Variants in CCM2 observed in about 807,000 individuals in gnomAD.
The protein encoded by CCM2 is CCM2 scaffold protein.
A neutral mutation model predicts 44.9 loss-of-function variants in CCM2; 25 were observed. The ratio of observed to expected loss-of-function variants is 0.56; its 90% CI spans 0.41 to 0.78. The LOEUF (loss-of-function observed/expected upper bound fraction) is 0.78, where lower values mean the gene tolerates loss of function less well. Among genes scored for constraint, CCM2 ranks in the 30% least tolerant of loss-of-function variants. The pLI is 0.00. For synonymous variants in CCM2, 219 were observed against 241.1 expected (o/e 0.91, Z 0.85); for missense variants, 481 against 580.6 (o/e 0.83, Z 1.76).
intron 2 of CCM2, among the ~76,000 whole-genome samples, chr7:45,042,402 C>T (rs1797556591): frequency 1.3e-5 from 2 of 151,954 alleles, no homozygotes; most frequent in African/African-American, 4.8e-5. Flanking sequence ...TGGGTTGAAA[C>T]GTTTGGCAAA....
intron 1 of CCM2, among the ~76,000 whole-genome samples, chr7:45,026,027 C>T (rs140118998): frequency 7.2e-5 from 11 of 152,316 alleles, no homozygotes; most frequent in African/African-American, 2.6e-4. Flanking sequence ...GTGTTCAGAG[C>T]ATGTGGGTTT....
chr7:45,006,199 G>A (rs1243755911), intron 1 of CCM2, among the ~76,000 whole-genome samples: 1 of 152,138 alleles, frequency 6.6e-6, no homozygotes, highest in Non-Finnish European at 1.5e-5. Context: ...CCATGTGTGG[G>A]CAGTCAGTTT....
chr7:45,051,361 A>G (rs913496962), intron 2 of CCM2, among the ~76,000 whole-genome samples: 1 of 152,068 alleles, frequency 6.6e-6, no homozygotes, highest in Non-Finnish European at 1.5e-5. Flanking sequence ...CTCTATCAAG[A>G]TGACAGCTCC....
intron 1 of CCM2, among the ~76,000 whole-genome samples, chr7:45,019,339 T>C (rs1796391970): frequency 6.6e-6 from 1 of 152,132 alleles, no homozygotes; most frequent in Non-Finnish European, 1.5e-5. Flanking sequence ...CCTCCTGGGA[T>C]TACAGGAATG....
chr7:45,012,130 CTTT>C (rs60568953), intron 1 of CCM2, among the ~76,000 whole-genome samples: 20 of 94,046 alleles, frequency 2.1e-4, no homozygotes, highest in Non-Finnish European at 2.2e-4. Context: ...ATCATAATAT[CTTT>C]TTTTTTTTTT....
intron 2 of CCM2, among the ~76,000 whole-genome samples, chr7:45,045,655 G>A (rs1026871072): frequency 3.3e-5 from 5 of 152,182 alleles, no homozygotes; most frequent in Non-Finnish European, 5.9e-5. Flanking sequence ...GCCGGACGTG[G>A]TGGCGGGTGC....
At chr7:45,014,838 CTG>C (rs1300927082) in intron 1 of CCM2, among the ~76,000 whole-genome samples, 1 of 149,340 alleles carries the variant, frequency 6.7e-6, no homozygotes, top group African/African-American at 2.5e-5. Context: ...GCCAGGCTGA[CTG>C]TGAACTCCTG....
intron 2 of CCM2, among the ~76,000 whole-genome samples, chr7:45,062,480 T>C (rs1798570098): frequency 6.6e-6 from 1 of 152,164 alleles, no homozygotes; most frequent in Non-Finnish European, 1.5e-5. Flanking sequence ...CAAAAAAACC[T>C]TTTTACTAAA....
At chr7:45,074,078 C>G in intron 8 of CCM2, 192 bp from the exon 9 acceptor site, 1 of 1,308,556 alleles carries the variant, frequency 7.6e-7, no homozygotes, top group Non-Finnish European at 1.0e-6. Flanking sequence ...CCTTGGTCTC[C>G]TCTGGGTGGC....
Position 45,069,815 on chromosome 7 carries a change from C to A in CCM2, c.610-11C>A. 6.2e-7 allele frequency: 1 copy of A among 1,614,006 alleles called. No homozygotes were observed. The highest frequency in any genetic ancestry group is 8.5e-7 in the Non-Finnish European group (1 of 1,180,038). On this transcript the variant is annotated splice_polypyrimidine_tract_variant and intron_variant, in intron 5 of 9. Transcript: ENST00000258781. ...CCAGACTGACCGAGCAGCTGCTGTC[C>A]CCCACTGCAGGTCGCTGCGGAGGAG...
At chr7:45,008,108 C>T (rs1795917444) in intron 1 of CCM2, among the ~76,000 whole-genome samples, 1 of 144,846 alleles carries the variant, frequency 6.9e-6, no homozygotes, top group Admixed American at 7.1e-5. Flanking sequence ...AGTTGCATGA[C>T]CTCAGCTCAC....
intron 2 of CCM2, among the ~76,000 whole-genome samples, chr7:45,055,636 T>G (rs1583947133): frequency 1.3e-5 from 2 of 152,266 alleles, no homozygotes; most frequent in Non-Finnish European, 2.9e-5. Context: ...TGCAGTGAGC[T>G]GAGATCGCAC....
rs1236625377 is a variant in CCM2, at chr7:45,038,216, A to G, written c.31-37A>G. On this transcript the variant is annotated intron_variant, in intron 1 of 9. Transcript: ENST00000258781. Reference sequence around the variant, plus strand: ...ATAGGTACAACACAAAGCATTTGTAAATAATGAACTCCAATCATTGCCGTT... The same window carrying G: ...ATAGGTACAACACAAAGCATTTGTAGATAATGAACTCCAATCATTGCCGTT... The G allele has an allele frequency of 2.5e-6, 4 of 1,612,028 alleles. No homozygotes were observed. The East Asian group carries it at 6.7e-5, about 27-fold the overall frequency.
chr7:45,064,527 A>G lies in CCM2; in HGVS notation c.353A>G (p.Tyr118Cys). ...EHDAVLSLSA[Y>C]NVKLAWRDGE... ...GATGCTGTGCTCAGCCTGTCTGCGTACAACGTCAAGCTGGCCTGGAGGGAC... is the reference window on the plus strand; with the variant it reads ...GATGCTGTGCTCAGCCTGTCTGCGTGCAACGTCAAGCTGGCCTGGAGGGAC... The change falls in exon 4 of 10, where the codon TAC (tyrosine) becomes TGC (cysteine). Residue 118 changes from tyrosine (Y) to cysteine (C), a missense_variant. Physicochemically the swap from Tyr to Cys is radical, Grantham distance 194 (BLOSUM62 -2). Coordinates refer to ENST00000258781, the MANE Select transcript of CCM2 (RefSeq NM_031443.4). The G allele has an allele frequency of 6.2e-7, 1 of 1,613,956 alleles. No homozygotes were observed.
chr7:45,032,962 A>T (rs534243557), intron 1 of CCM2, among the ~76,000 whole-genome samples: 1 of 145,242 alleles, frequency 6.9e-6, no homozygotes, highest in East Asian at 2.1e-4. Flanking sequence ...AATTGCTTGA[A>T]CCGGGGAGGC....
At chr7:45,041,447 C>T (rs1225327606) in intron 2 of CCM2, among the ~76,000 whole-genome samples, 1 of 152,088 alleles carries the variant, frequency 6.6e-6, no homozygotes, top group Non-Finnish European at 1.5e-5. Flanking sequence ...CAGAAAATGA[C>T]CCAGTAGTGA....
intron 1 of CCM2, among the ~76,000 whole-genome samples, chr7:45,037,717 C>T (rs1038672881): frequency 2.0e-5 from 3 of 152,080 alleles, no homozygotes; most frequent in African/African-American, 7.2e-5. Context: ...CGTGCCTGGC[C>T]TGGTTTCTCC....
Position 45,076,222 on chromosome 7 carries a change from A to G in CCM2, c.*165A>G. On this transcript the variant is annotated 3_prime_UTR_variant, in exon 10 of 10. Transcript: ENST00000258781. ...GGTCCTCTACTGTGAAGGAGCAGGGAGCTGCCGAGGGACACGAGCCTCAGT... is the reference window on the plus strand; with the variant it reads ...GGTCCTCTACTGTGAAGGAGCAGGGGGCTGCCGAGGGACACGAGCCTCAGT... The G allele has an allele frequency of 1.0e-6, 1 of 952,928 alleles. No individual in the cohort carries two copies. The highest frequency in any genetic ancestry group is 1.6e-6 in the Non-Finnish European group (1 of 616,796). The allele number at this position is 952,928 out of a possible 1,614,324, so 59.0% of individuals were successfully genotyped here.
At chr7:45,020,663 G>T (rs1796447432) in intron 1 of CCM2, among the ~76,000 whole-genome samples, 2 of 152,140 alleles carry the variant, frequency 1.3e-5, no homozygotes, top group South Asian at 2.1e-4. Context: ...TAGAACCAAG[G>T]TTTATTCTTT....
Sources: gnomAD v4.1 joint callset for allele counts (sites outside exome capture counted in the v4.1 genomes callset) on GRCh38, gnomAD v4.1.1 for gene constraint, MANE v1.5 for transcripts, NCBI Gene and HGNC (gene_info 2026-07-23, HGNC 2026-07-21) for gene names.